The following LYPD6 variants were observed in gnomAD, a reference collection of about 807,000 sequenced individuals.
The protein encoded by LYPD6 is LY6/PLAUR domain containing 6.
In LYPD6, 15 loss-of-function variants were observed where a neutral mutation model predicts 22.7. The observed-to-expected ratio is 0.66, with a 90% CI of 0.44 to 1.02. The LOEUF (loss-of-function observed/expected upper bound fraction) is 1.02, where lower values mean the gene tolerates loss of function less well. LYPD6 is among the 50% of genes least tolerant of loss of function. The pLI, the probability that LYPD6 is intolerant of heterozygous loss-of-function variation, is 0.00. For missense variants in LYPD6, 189 were observed against 208.4 expected (o/e 0.91, Z 0.57); for synonymous variants, 72 against 77.5 (o/e 0.93, Z 0.37).
intron 1 of LYPD6, among the ~76,000 whole-genome samples, chr2:149,331,064 C>G (rs1680927849): frequency 6.6e-6 from 1 of 152,164 alleles, no homozygotes; most frequent in Non-Finnish European, 1.5e-5. Context: ...CTTCTCACGG[C>G]CCAACATGCG....
intron 1 of LYPD6, among the ~76,000 whole-genome samples, chr2:149,400,081 A>G (rs1179671000): frequency 1.3e-5 from 2 of 152,194 alleles, no homozygotes; most frequent in African/African-American, 2.4e-5. Flanking sequence ...AGCACACTGC[A>G]GCTGGAGAGA....
chr2:149,366,874 T>TC (rs756742188), intron 1 of LYPD6, among the ~76,000 whole-genome samples: 6 of 151,972 alleles, frequency 3.9e-5, no homozygotes, highest in Admixed American at 6.6e-5. Context: ...TTGTTTCCAT[T>TC]CCCCCCCACT....
intron 1 of LYPD6, among the ~76,000 whole-genome samples, chr2:149,434,107 G>T (rs1683380352): frequency 6.6e-6 from 1 of 152,122 alleles, no homozygotes; most frequent in African/African-American, 2.4e-5. Context: ...GAGGTACCAT[G>T]ATCACTCTTA....
At position 149,365,087 on chromosome 2, in the gene LYPD6, C is replaced by T. The variant is rs144297234; in HGVS notation, c.-72+34365C>T. On this transcript the variant is annotated intron_variant, in intron 1 of 4. Coordinates refer to ENST00000334166, the MANE Select transcript of LYPD6 (RefSeq NM_194317.5). The stretch of plus-strand genomic sequence containing the variant: ...CACAGGACATACTATTCCTAATGAA[C>T]AGCCCCTTCATCACTCTAACACTCT... Among the ~76,000 whole-genome samples, 16 of 152,288 alleles carry T rather than the reference C, an allele frequency of 1.1e-4. No individual in the cohort carries two copies. The East Asian group carries it at 3.1e-3, about 29-fold the overall frequency.
intron 2 of LYPD6, among the ~76,000 whole-genome samples, chr2:149,441,660 A>G (rs1343408964): frequency 6.6e-6 from 1 of 152,160 alleles, no homozygotes; most frequent in Non-Finnish European, 1.5e-5. Flanking sequence ...GCTTGTTTTT[A>G]TGTGAAAAAT....
Position 149,409,598 on chromosome 2 carries a change from G to A in LYPD6, c.-71-28040G>A, listed in dbSNP as rs1017888908. On this transcript the variant is annotated intron_variant, in intron 1 of 4. Coordinates refer to ENST00000334166, the MANE Select transcript of LYPD6 (RefSeq NM_194317.5). ...GCAGGGATAGGCATGTCTGAGCTCA[G>A]CATCTCTTTGGGTGGGGCTTGTTGC... 4.6e-5 allele frequency among the ~76,000 whole-genome samples: 7 copies of A among 152,094 alleles called. 1 individual carries two copies. The highest frequency in any genetic ancestry group is 1.2e-4 in the African/African-American group (5 of 41,404).
At chr2:149,478,848 G>A (rs536951774), downstream of LYPD6, among the ~76,000 whole-genome samples, 4 of 152,284 alleles carry the variant, frequency 2.6e-5, no homozygotes, top group East Asian at 7.7e-4. Context: ...TGAAGGGAAT[G>A]ATAAAGTTGA....
chr2:149,479,693 T>G, the LYPD6 span, among the ~76,000 whole-genome samples: 1 of 152,084 alleles, frequency 6.6e-6, no homozygotes, highest in Non-Finnish European at 1.5e-5. Context: ...TCCACTCCTT[T>G]CCATGTCCAA....
intron 3 of LYPD6, among the ~76,000 whole-genome samples, chr2:149,457,911 A>C (rs928962300): frequency 5.9e-5 from 9 of 152,318 alleles, no homozygotes; most frequent in African/African-American, 2.2e-4. Flanking sequence ...AGTCTCATAT[A>C]TTCTAGACTT....
chr2:149,358,781 G>A (rs1050901312), intron 1 of LYPD6, among the ~76,000 whole-genome samples: 6 of 152,092 alleles, frequency 3.9e-5, no homozygotes, highest in Non-Finnish European at 5.9e-5. Flanking sequence ...ATATTCCTGT[G>A]ATTGTCAACT....
intron 1 of LYPD6, among the ~76,000 whole-genome samples, chr2:149,390,125 G>A (rs551464830): frequency 3.3e-5 from 5 of 152,268 alleles, no homozygotes; most frequent in East Asian, 1.9e-4. Flanking sequence ...TAGTTCATTC[G>A]TATTTTGGAT....
intron 1 of LYPD6, among the ~76,000 whole-genome samples, chr2:149,372,653 A>T (rs1353550612): frequency 6.6e-6 from 1 of 152,228 alleles, no homozygotes. Context: ...TTAAAAAATT[A>T]TTGATCTCTA....
At chr2:149,398,511 C>G (rs1252064229) in intron 1 of LYPD6, among the ~76,000 whole-genome samples, 1 of 151,746 alleles carries the variant, frequency 6.6e-6, no homozygotes, top group African/African-American at 2.4e-5. Context: ...GTGTTCCCAG[C>G]AGATTTTCAG....
rs536659804 is a variant in LYPD6 at position 149,447,595 on chromosome 2, C to T, written c.119-1454C>T. 4.6e-5 allele frequency among the ~76,000 whole-genome samples: 7 copies of T among 152,288 alleles called. No homozygotes were observed. The South Asian group carries it at 1.5e-3, about 32-fold the overall frequency. On this transcript the variant is annotated intron_variant, in intron 2 of 4. Transcript: ENST00000334166. ...TTCTCTTAGCTAAGGCTTACCATCT[C>T]CAGGGGTTCATAATGACATCAGGTC... is the stretch of plus-strand genomic sequence containing the variant.
At chr2:149,456,013 G>A (rs1020390512) in intron 3 of LYPD6, among the ~76,000 whole-genome samples, 5 of 152,146 alleles carry the variant, frequency 3.3e-5, no homozygotes, top group African/African-American at 1.2e-4. Flanking sequence ...GCATTTATTT[G>A]TTTTTAATTT....
chr2:149,347,429 C>T (rs1167089652), intron 1 of LYPD6, among the ~76,000 whole-genome samples: 2 of 152,110 alleles, frequency 1.3e-5, no homozygotes, highest in Non-Finnish European at 2.9e-5. Flanking sequence ...CTCTCTCTGG[C>T]GTTCCCCCTA....
intron 1 of LYPD6, among the ~76,000 whole-genome samples, chr2:149,378,576 C>T (rs1681987079): frequency 6.6e-6 from 1 of 152,134 alleles, no homozygotes; most frequent in South Asian, 2.1e-4. Context: ...CTATGTGGTT[C>T]ATGTTTTTGA....
chr2:149,412,155 G>T (rs188786624), intron 1 of LYPD6, among the ~76,000 whole-genome samples: 1 of 152,088 alleles, frequency 6.6e-6, no homozygotes. Flanking sequence ...TTTAAAAAAT[G>T]AATAGGTACT....
intron 1 of LYPD6, among the ~76,000 whole-genome samples, chr2:149,333,714 C>T (rs1310304329): frequency 2.0e-5 from 3 of 152,162 alleles, no homozygotes; most frequent in African/African-American, 7.2e-5. Context: ...TCTAATGACA[C>T]AATGCATTTA....
Sources: gnomAD v4.1 joint callset for allele counts (sites outside exome capture counted in the v4.1 genomes callset) on GRCh38, gnomAD v4.1.1 for gene constraint, MANE v1.5 for transcripts, NCBI Gene and HGNC (gene_info 2026-07-23, HGNC 2026-07-21) for gene names.